The following FCHSD2 variants were observed in gnomAD, a reference collection of about 807,000 sequenced individuals.
The protein encoded by FCHSD2 is F-BAR and double SH3 domains protein 2.
FCHSD2 carries 38 observed loss-of-function variants against 108.1 expected under a neutral mutation model. The observed-to-expected ratio is 0.35, with a 90% CI of 0.27 to 0.46. The LOEUF is 0.46. Among genes scored for constraint, FCHSD2 ranks in the 20% least tolerant of loss-of-function variants. The pLI is 1.00. For missense variants in FCHSD2, 751 were observed against 897.8 expected, an observed-to-expected ratio of 0.84 and a Z score of 2.09; for synonymous variants, 279 against 314.7, an observed-to-expected ratio of 0.89 and a Z score of 1.20.
At chr11:72,902,234 G>A (rs1437574191) in intron 10 of FCHSD2, among the ~76,000 whole-genome samples, 1 of 152,048 alleles carries the variant, frequency 6.6e-6, no homozygotes, top group Non-Finnish European at 1.5e-5. Flanking sequence ...AAAAATTTCA[G>A]GGAAAATATA....
intron 3 of FCHSD2, among the ~76,000 whole-genome samples, chr11:73,035,667 AAGTACTGAAC>A (rs1355628210): frequency 1.3e-5 from 2 of 151,958 alleles, no homozygotes; most frequent in East Asian, 3.9e-4. Flanking sequence ...ATGCTATTTT[AAGTACTGAAC>A]AGTACTGAAA....
intron 8 of FCHSD2, among the ~76,000 whole-genome samples, chr11:72,967,181 C>T (rs527700181): frequency 3.7e-5 from 5 of 136,358 alleles, no homozygotes; most frequent in Non-Finnish European, 7.7e-5. Flanking sequence ...GCCTGGGCGA[C>T]AGAGCAAGAC....
chr11:73,106,205 C>T (rs955827415), intron 2 of FCHSD2, among the ~76,000 whole-genome samples: 1 of 151,906 alleles, frequency 6.6e-6, no homozygotes, highest in South Asian at 2.1e-4. Context: ...CCAAGGAGTT[C>T]GAGACCAGCC....
intron 9 of FCHSD2, among the ~76,000 whole-genome samples, chr11:72,911,746 C>T (rs1033507383): frequency 2.0e-5 from 3 of 151,790 alleles, no homozygotes; most frequent in Admixed American, 1.3e-4. Flanking sequence ...TACATATGTT[C>T]GCTTTTGTTG....
In FCHSD2 at chr11:72,988,944, A is replaced by G; in HGVS notation, c.521+20T>C. Reference sequence around the variant, plus strand: ...CATTTATTTGCATAATAATTTTCTCAGAAATGTTAAAACACATACTTTGCC... The same window carrying G: ...CATTTATTTGCATAATAATTTTCTCGGAAATGTTAAAACACATACTTTGCC... On this transcript the variant is annotated intron_variant, in intron 6 of 19. Coordinates refer to ENST00000409418, the MANE Select transcript of FCHSD2 (RefSeq NM_014824.3). 6.3e-7 allele frequency: 1 copy of G among 1,587,686 alleles called. No homozygotes were observed. The highest frequency in any genetic ancestry group is 1.4e-5 in the African/African-American group (1 of 73,882).
At chr11:72,910,145 T>C (rs1459742605) in intron 9 of FCHSD2, among the ~76,000 whole-genome samples, 34 of 102,548 alleles carry the variant, frequency 3.3e-4, no homozygotes, top group Non-Finnish European at 3.8e-4. Flanking sequence ...TCTGCCCGGC[T>C]GCCCCATCTG....
intron 6 of FCHSD2, among the ~76,000 whole-genome samples, chr11:72,986,096 C>T (rs1857305368): frequency 6.6e-6 from 1 of 152,176 alleles, no homozygotes; most frequent in African/African-American, 2.4e-5. Context: ...CAAGAGAAAA[C>T]ATTCAGGGAT....
chr11:72,936,492 C>T (rs1035994258), intron 8 of FCHSD2, among the ~76,000 whole-genome samples: 2 of 152,180 alleles, frequency 1.3e-5, no homozygotes, highest in Non-Finnish European at 2.9e-5. Context: ...TCAAGAATCT[C>T]GACCAGGTGC....
intron 5 of FCHSD2, among the ~76,000 whole-genome samples, chr11:73,000,106 C>T (rs944385599): frequency 5.9e-5 from 9 of 152,104 alleles, no homozygotes; most frequent in African/African-American, 2.2e-4. Flanking sequence ...TGATTTCATG[C>T]TACTAGAATC....
chr11:73,046,472 G>A (rs998792266), intron 3 of FCHSD2, among the ~76,000 whole-genome samples: 3 of 152,090 alleles, frequency 2.0e-5, no homozygotes, highest in Admixed American at 6.6e-5. Flanking sequence ...TTTGGCCCAG[G>A]ATGGCAAAAA....
At chr11:72,865,339 G>A (rs905158974) in intron 13 of FCHSD2, among the ~76,000 whole-genome samples, 1 of 152,110 alleles carries the variant, frequency 6.6e-6, no homozygotes, top group Non-Finnish European at 1.5e-5. Context: ...GCTATTTTGT[G>A]CCTATGTCTC....
At chr11:72,981,285 T>C (rs1018073278) in intron 8 of FCHSD2, among the ~76,000 whole-genome samples, 2 of 152,212 alleles carry the variant, frequency 1.3e-5, no homozygotes, top group African/African-American at 4.8e-5. Context: ...TACCCAATGC[T>C]GATCAAATAT....
intron 8 of FCHSD2, among the ~76,000 whole-genome samples, chr11:72,950,190 GTTAT>G (rs1007287137): frequency 3.3e-5 from 5 of 151,984 alleles, no homozygotes; most frequent in Admixed American, 6.6e-5. Flanking sequence ...AAAAAACTGG[GTTAT>G]TTGTTTTTAT....
intron 3 of FCHSD2, among the ~76,000 whole-genome samples, chr11:73,070,851 T>C (rs1381713120): frequency 1.3e-5 from 2 of 152,106 alleles, no homozygotes; most frequent in Non-Finnish European, 2.9e-5. Flanking sequence ...GGTTTAAGCA[T>C]ACCTCAGTAA....
chr11:72,876,490 T>C (rs756612712), intron 12 of FCHSD2, among the ~76,000 whole-genome samples: 5 of 152,248 alleles, frequency 3.3e-5, no homozygotes, highest in Admixed American at 6.5e-5. Flanking sequence ...TTTCTAGCCA[T>C]CTTTCTATTA....
intron 2 of FCHSD2, among the ~76,000 whole-genome samples, chr11:73,127,152 C>A (rs1331248161): frequency 6.6e-6 from 1 of 152,196 alleles, no homozygotes; most frequent in East Asian, 1.9e-4. Flanking sequence ...TATACTCCAA[C>A]TTGTTTCTGT....
intron 2 of FCHSD2, among the ~76,000 whole-genome samples, chr11:73,108,446 T>C (rs1440086772): frequency 6.6e-6 from 1 of 152,272 alleles, no homozygotes; most frequent in East Asian, 1.9e-4. Flanking sequence ...AGGTTGCCTG[T>C]GCTTGTGTAG....
intron 13 of FCHSD2, among the ~76,000 whole-genome samples, chr11:72,864,388 T>C (rs1432979950): frequency 6.6e-6 from 1 of 151,610 alleles, no homozygotes; most frequent in Non-Finnish European, 1.5e-5. Flanking sequence ...TGGTGAAAAA[T>C]ACAAAAATTA....
At chr11:72,930,610 T>C (rs577175883) in intron 8 of FCHSD2, among the ~76,000 whole-genome samples, 1 of 152,254 alleles carries the variant, frequency 6.6e-6, no homozygotes, top group South Asian at 2.1e-4. Flanking sequence ...CTGGGCGTGG[T>C]GGTGCCCATC....
Sources: allele counts gnomAD v4.1 joint callset (sites outside exome capture counted in the v4.1 genomes callset), GRCh38; gene constraint gnomAD v4.1.1; transcripts MANE v1.5; gene names NCBI Gene and HGNC (gene_info 2026-07-23, HGNC 2026-07-21).